Variants in CCSER1 observed in about 807,000 individuals in gnomAD.
CCSER1 encodes coiled-coil serine rich protein 1.
Under a neutral mutation model 82.0 loss-of-function variants are expected in CCSER1, and 41 were observed. The ratio of observed to expected loss-of-function variants is 0.50; its 90% confidence interval spans 0.39 to 0.65. The LOEUF is 0.65. CCSER1 is among the 30% of genes least tolerant of loss of function. The pLI is 0.00. For synonymous variants in CCSER1, 414 were observed against 383.9 expected, an observed-to-expected ratio of 1.08 and a Z score of -0.92; for missense variants, 1,119 against 1,064.2, an observed-to-expected ratio of 1.05 and a Z score of -0.72.
At chr4:90,785,726 A>AT (rs74788684) in intron 7 of CCSER1, among the ~76,000 whole-genome samples, 79,654 of 151,430 alleles carry the variant, frequency 0.53, 21,507 homozygotes, top group African/African-American at 0.65. Flanking sequence ...TAAGTTGTCA[A>AT]TTTTTTTTTA....
chr4:90,337,838 A>T (rs1740695150), intron 3 of CCSER1, among the ~76,000 whole-genome samples: 1 of 152,190 alleles, frequency 6.6e-6, no homozygotes, highest in Non-Finnish European at 1.5e-5. Flanking sequence ...AAACAAAAAA[A>T]ATGATGAGAA....
At chr4:91,330,523 C>A (rs1191122175) in intron 10 of CCSER1, among the ~76,000 whole-genome samples, 2 of 152,140 alleles carry the variant, frequency 1.3e-5, no homozygotes, top group Non-Finnish European at 2.9e-5. Flanking sequence ...ATTAAGATAA[C>A]CCTTTAGCTG....
chr4:90,321,149 G>A (rs1361937972), intron 3 of CCSER1, among the ~76,000 whole-genome samples: 1 of 151,800 alleles, frequency 6.6e-6, no homozygotes, highest in African/African-American at 2.4e-5. Flanking sequence ...GTGCTATAAA[G>A]TACTAGATCT....
chr4:90,497,027 C>G (rs1769139767), intron 5 of CCSER1, among the ~76,000 whole-genome samples: 1 of 143,346 alleles, frequency 7.0e-6, no homozygotes, highest in Non-Finnish European at 1.5e-5. Flanking sequence ...TAATAGTCAT[C>G]AAATACATAG....
chr4:90,882,059 G>A (rs760351284), intron 8 of CCSER1, among the ~76,000 whole-genome samples: 1 of 151,930 alleles, frequency 6.6e-6, no homozygotes, highest in Admixed American at 6.6e-5. Flanking sequence ...TTCATCAATT[G>A]TGTTATAATA....
At chr4:91,596,311 T>C (rs1041705076) in intron 10 of CCSER1, among the ~76,000 whole-genome samples, 44 of 152,228 alleles carry the variant, frequency 2.9e-4, no homozygotes, top group African/African-American at 9.9e-4. Context: ...AGTCTACTCC[T>C]ACCATTTCTA....
At chr4:90,298,189 C>A (rs763872075) in intron 1 of CCSER1, among the ~76,000 whole-genome samples, 4,786 of 151,994 alleles carry the variant, frequency 0.031, 196 homozygotes, top group African/African-American at 0.096. Flanking sequence ...TTGGTCTATT[C>A]AGAGATTCAA....
intron 3 of CCSER1, among the ~76,000 whole-genome samples, chr4:90,387,463 G>GAA (rs1750236016): frequency 1.3e-5 from 2 of 152,196 alleles, no homozygotes; most frequent in Non-Finnish European, 2.9e-5. Flanking sequence ...GAGGTAATCT[G>GAA]TGTCATACCT....
chr4:91,250,110 A>T (rs1740139558), intron 10 of CCSER1, among the ~76,000 whole-genome samples: 1 of 152,122 alleles, frequency 6.6e-6, no homozygotes, highest in South Asian at 2.1e-4. Context: ...CGGCTCCTGA[A>T]GGACCTTTAG....
intron 1 of CCSER1, among the ~76,000 whole-genome samples, chr4:90,178,370 A>T (rs112175354): frequency 8.6e-5 from 13 of 151,330 alleles, no homozygotes; most frequent in Non-Finnish European, 1.2e-4. Flanking sequence ...CTCTGATATA[A>T]TTTTTTTTTC....
chr4:91,505,981 T>C (rs897475831), intron 10 of CCSER1, among the ~76,000 whole-genome samples: 10 of 152,208 alleles, frequency 6.6e-5, no homozygotes, highest in Non-Finnish European at 1.3e-4. Context: ...GCAATTGCTT[T>C]TGATGTTTTT....
chr4:91,134,631 T>G (rs977221873), intron 10 of CCSER1, among the ~76,000 whole-genome samples: 3 of 151,800 alleles, frequency 2.0e-5, no homozygotes, highest in Admixed American at 1.3e-4. Context: ...TAGTAAAGTT[T>G]CAACTAATAA....
intron 5 of CCSER1, among the ~76,000 whole-genome samples, chr4:90,614,202 A>T (rs1180644946): frequency 6.6e-6 from 1 of 152,124 alleles, no homozygotes; most frequent in African/African-American, 2.4e-5. Context: ...GGTGCCATGG[A>T]CTGTGCCCAT....
chr4:91,415,652 T>C lies in CCSER1; in HGVS notation c.2218-182920T>C, dbSNP rs569695892. ...TGAATATTATCGAAGGCCTTTTCTA[T>C]GTCTATTGGAATAATCATATGGTTT... is the stretch of plus-strand genomic sequence containing the variant. On this transcript the variant is annotated intron_variant, in intron 10 of 10. Transcript: ENST00000509176. 9.2e-5 allele frequency among the ~76,000 whole-genome samples: 14 copies of C among 152,222 alleles called. 1 individual carries two copies. The South Asian group carries it at 2.9e-3, about 32-fold the overall frequency.
chr4:90,770,363 A>G (rs998564157), intron 7 of CCSER1, among the ~76,000 whole-genome samples: 1 of 152,230 alleles, frequency 6.6e-6, no homozygotes, highest in Non-Finnish European at 1.5e-5. Flanking sequence ...GCTACCAAAT[A>G]TTATGCGAAT....
At chr4:91,151,160 C>T (rs1040286203) in intron 10 of CCSER1, among the ~76,000 whole-genome samples, 1 of 152,112 alleles carries the variant, frequency 6.6e-6, no homozygotes, top group African/African-American at 2.4e-5. Context: ...TGTTAGTGAT[C>T]TACTCAGGGA....
At chr4:90,330,252 T>C (rs898562126) in intron 3 of CCSER1, among the ~76,000 whole-genome samples, 1 of 152,152 alleles carries the variant, frequency 6.6e-6, no homozygotes, top group Non-Finnish European at 1.5e-5. Flanking sequence ...TATCAGGGAT[T>C]AGAACTAGAG....
intron 7 of CCSER1, among the ~76,000 whole-genome samples, chr4:90,782,788 T>C (rs1416031198): frequency 6.7e-6 from 1 of 148,400 alleles, no homozygotes; most frequent in Non-Finnish European, 1.5e-5. Flanking sequence ...TTCACGCCAT[T>C]CTCCTGCCTC....
At chr4:90,473,310 A>T (rs1042205276) in intron 5 of CCSER1, among the ~76,000 whole-genome samples, 2 of 152,198 alleles carry the variant, frequency 1.3e-5, no homozygotes, top group Non-Finnish European at 2.9e-5. Flanking sequence ...TTGTAAAGTT[A>T]GAAATGCAGA....
Sources: gnomAD v4.1 joint callset for allele counts (sites outside exome capture counted in the v4.1 genomes callset) on GRCh38, gnomAD v4.1.1 for gene constraint, MANE v1.5 for transcripts, NCBI Gene and HGNC (gene_info 2026-07-23, HGNC 2026-07-21) for gene names.